Variants in SEMA3E observed in about 807,000 individuals in gnomAD.
SEMA3E encodes semaphorin 3E, also known as semaphorin-3E.
Under a neutral mutation model 93.6 loss-of-function variants are expected in SEMA3E, and 49 were observed. The ratio of observed to expected loss-of-function variants is 0.52; its 90% CI spans 0.42 to 0.66. The LOEUF is 0.66. Among genes scored for constraint, SEMA3E ranks in the 30% least tolerant of loss-of-function variants. The probability of loss-of-function intolerance (pLI) is 0.00; values close to 1 mark genes in which losing one functional copy is unlikely to be tolerated. For synonymous variants in SEMA3E, 363 were observed against 330.7 expected, an observed-to-expected ratio of 1.10 and a Z score of -1.06; for missense variants, 906 against 964.8, an observed-to-expected ratio of 0.94 and a Z score of 0.81.
In SEMA3E at chr7:83,368,024, G is replaced by T; in HGVS notation, c.1890C>A (p.Asp630Glu). The T allele has an allele frequency of 6.2e-7, 1 of 1,613,856 alleles. No individual in the cohort carries two copies. Residue 630 changes from aspartate (D) to glutamate (E), a missense_variant, in exon 17 of 17, where the codon GAC becomes GAA. Asp to Glu is a conservative substitution (Grantham distance 45). Coordinates refer to ENST00000643230, the MANE Select transcript of SEMA3E (RefSeq NM_012431.3). ...AACCAAGGTCCATCTTAACCACTCT[G>T]TCATCTGTCTTCACCTGCAAAAACA... is the stretch of plus-strand genomic sequence containing the variant. ...ETRKEEVKTD[D>E]RVVKMDLGLL... is the part of the protein sequence containing the mutation.
intron 2 of SEMA3E, among the ~76,000 whole-genome samples, chr7:83,486,355 T>C (rs1790254914): frequency 6.6e-6 from 1 of 152,088 alleles, no homozygotes; most frequent in Admixed American, 6.6e-5. Context: ...AACTATGCAT[T>C]ATCCAAGATG....
chr7:83,601,786 G>C (rs749977993), intron 1 of SEMA3E, among the ~76,000 whole-genome samples: 1 of 152,160 alleles, frequency 6.6e-6, no homozygotes. Context: ...GTCAGGTCCT[G>C]ATGCTTCTGC....
At position 83,365,208 on chromosome 7, in the gene SEMA3E, T is replaced by A. The variant is rs984931198; in HGVS notation, c.*2378A>T. On this transcript the variant is annotated 3_prime_UTR_variant, in exon 17 of 17. Transcript: ENST00000643230. The stretch of plus-strand genomic sequence containing the variant: ...AGAAAATGGTGGGACATGAAACATA[T>A]CCTTGGAAACTGCTTTCTCTCTCCC... The A allele has an allele frequency of 1.3e-5, 2 of 152,028 alleles. No homozygotes were observed. The highest frequency in any genetic ancestry group is 1.3e-4 in the Admixed American group (2 of 15,244). The allele number at this position is 152,028 out of a possible 1,614,324, so 9.4% of individuals were successfully genotyped here. A position where few individuals can be genotyped will look rare whatever the true frequency, so the allele number is the denominator to read the frequency against.
At chr7:83,629,159 T>G (rs1793735401) in intron 1 of SEMA3E, among the ~76,000 whole-genome samples, 1 of 152,162 alleles carries the variant, frequency 6.6e-6, no homozygotes, top group African/African-American at 2.4e-5. Context: ...CAAAGATTAC[T>G]GCCTGCTCCT....
intron 4 of SEMA3E, among the ~76,000 whole-genome samples, chr7:83,443,517 C>T (rs1415171981): frequency 6.6e-6 from 1 of 152,036 alleles, no homozygotes; most frequent in African/African-American, 2.4e-5. Context: ...GATAGATAGC[C>T]TATGATTGAT....
At chr7:83,639,304 T>C (rs902375808) in intron 1 of SEMA3E, among the ~76,000 whole-genome samples, 1 of 151,818 alleles carries the variant, frequency 6.6e-6, no homozygotes, top group Non-Finnish European at 1.5e-5. Context: ...AGAAGAAAAT[T>C]ATAGTAACAT....
At chr7:83,409,957 A>G (rs1788406697) in intron 5 of SEMA3E, among the ~76,000 whole-genome samples, 1 of 151,698 alleles carries the variant, frequency 6.6e-6, no homozygotes, top group Non-Finnish European at 1.5e-5. Flanking sequence ...TTAACTATTA[A>G]TATTTTAAAG....
chr7:83,495,170 C>A (rs1002606031), intron 1 of SEMA3E, among the ~76,000 whole-genome samples: 4 of 151,764 alleles, frequency 2.6e-5, no homozygotes, highest in Non-Finnish European at 5.9e-5. Context: ...TTTAGATGTT[C>A]ATGATGTTTA....
intron 1 of SEMA3E, among the ~76,000 whole-genome samples, chr7:83,642,463 C>A (rs2190206): frequency 0.16 from 25,067 of 152,004 alleles, 2,678 homozygotes; most frequent in Middle Eastern, 0.29. Context: ...TCAGAGACTG[C>A]AACACTTGGT....
rs148872383 is a variant in SEMA3E at position 83,537,931 on chromosome 7, A to G, written c.116-47657T>C. Among the ~76,000 whole-genome samples, 6 of 152,250 alleles carry G rather than the reference A, an allele frequency of 3.9e-5. No individual in the cohort carries two copies. The East Asian group carries it at 1.2e-3, about 30-fold the overall frequency. On this transcript the variant is annotated intron_variant, in intron 1 of 16. Transcript: ENST00000643230. ...CTTGCTACTTTTTTCACTAGTCTCT[A>G]TCAATTTCCTTATTCTGGAATTTCT...
intron 5 of SEMA3E, among the ~76,000 whole-genome samples, chr7:83,409,749 CTTTA>C (rs1788403425): frequency 6.6e-6 from 1 of 151,346 alleles, no homozygotes. Context: ...ATATTGAATA[CTTTA>C]TTTATAAATT....
chr7:83,571,262 A>G (rs1459123003), intron 1 of SEMA3E, among the ~76,000 whole-genome samples: 1 of 152,182 alleles, frequency 6.6e-6, no homozygotes, highest in Non-Finnish European at 1.5e-5. Context: ...TGCCAGAGAG[A>G]CAATGAAAAA....
chr7:83,383,490 T>C (rs772941124), intron 16 of SEMA3E, among the ~76,000 whole-genome samples: 11 of 151,964 alleles, frequency 7.2e-5, no homozygotes, highest in Non-Finnish European at 1.3e-4. Context: ...TGTTTTATAT[T>C]GTGAATAAAT....
intron 1 of SEMA3E, among the ~76,000 whole-genome samples, chr7:83,608,575 A>C (rs922920488): frequency 2.0e-5 from 3 of 152,148 alleles, no homozygotes; most frequent in Admixed American, 6.6e-5. Context: ...TCAGTTCATC[A>C]TAAACAACCC....
intron 1 of SEMA3E, among the ~76,000 whole-genome samples, chr7:83,644,228 T>C (rs1347696224): frequency 6.6e-6 from 1 of 151,798 alleles, no homozygotes; most frequent in Non-Finnish European, 1.5e-5. Flanking sequence ...CCATGAATCT[T>C]GGAAAATTCA....
At chr7:83,603,826 C>T (rs1215559142) in intron 1 of SEMA3E, among the ~76,000 whole-genome samples, 1 of 152,150 alleles carries the variant, frequency 6.6e-6, no homozygotes, top group Non-Finnish European at 1.5e-5. Context: ...TATTGCAACA[C>T]AACAGTACTT....
At chr7:83,526,020 G>T (rs10266916) in intron 1 of SEMA3E, among the ~76,000 whole-genome samples, 2 of 151,832 alleles carry the variant, frequency 1.3e-5, no homozygotes, top group Non-Finnish European at 2.9e-5. Flanking sequence ...CCTCTGAGGA[G>T]AATATTTCAA....
chr7:83,394,952 C>A (rs934511508), intron 12 of SEMA3E, among the ~76,000 whole-genome samples: 1 of 152,074 alleles, frequency 6.6e-6, no homozygotes, highest in Non-Finnish European at 1.5e-5. Flanking sequence ...CTAAGGAGCA[C>A]AATAAACTCA....
At chr7:83,412,735 C>T (rs1282472291) in intron 5 of SEMA3E, among the ~76,000 whole-genome samples, 1 of 144,466 alleles carries the variant, frequency 6.9e-6, no homozygotes, top group South Asian at 2.3e-4. Context: ...GCACTCCAGC[C>T]GAGCCAGACC....
Sources: gnomAD v4.1 joint callset for allele counts (sites outside exome capture counted in the v4.1 genomes callset) on GRCh38, gnomAD v4.1.1 for gene constraint, MANE v1.5 for transcripts, NCBI Gene and HGNC (gene_info 2026-07-23, HGNC 2026-07-21) for gene names.